Variants in NRXN1 observed in about 807,000 individuals in gnomAD.
NRXN1 encodes the protein neurexin 1.
Under a neutral mutation model 150.9 loss-of-function variants are expected in NRXN1, and 39 were observed. The observed-to-expected ratio is 0.26, with a 90% CI of 0.20 to 0.34. The LOEUF is 0.34. NRXN1 is among the 10% of genes least tolerant of loss of function. NRXN1 has a pLI of 1.00. For missense variants in NRXN1, 1,815 were observed against 1,949.9 expected (o/e 0.93, Z 1.30); for synonymous variants, 924 against 757.0 (o/e 1.22, Z -3.62).
intron 5 of NRXN1, among the ~76,000 whole-genome samples, chr2:50,756,164 C>T (rs757291450): frequency 6.6e-6 from 1 of 151,778 alleles, no homozygotes; most frequent in African/African-American, 2.4e-5. Flanking sequence ...AGGGATCTTT[C>T]TCTGGTATTG....
chr2:50,191,496 T>G (rs979158148), intron 18 of NRXN1, among the ~76,000 whole-genome samples: 12 of 151,918 alleles, frequency 7.9e-5, no homozygotes, highest in Admixed American at 7.9e-4. Context: ...TGTAGATATA[T>G]GTGGCCACCA....
At chr2:50,777,593 T>G (rs541980630) in intron 5 of NRXN1, among the ~76,000 whole-genome samples, 1 of 152,256 alleles carries the variant, frequency 6.6e-6, no homozygotes, top group East Asian at 1.9e-4. Flanking sequence ...CCATTTTACA[T>G]CCAATGTGTC....
chr2:50,753,508 T>A (rs1378900413), intron 5 of NRXN1, among the ~76,000 whole-genome samples: 1 of 151,864 alleles, frequency 6.6e-6, no homozygotes, highest in Non-Finnish European at 1.5e-5. Context: ...TGATTTTCAG[T>A]ATGGAGTCTG....
intron 2 of NRXN1, among the ~76,000 whole-genome samples, chr2:50,943,311 T>A (rs1689784664): frequency 1.3e-5 from 2 of 152,196 alleles, no homozygotes; most frequent in Admixed American, 6.5e-5. Context: ...AGTACAAAAG[T>A]AATGGTGGTT....
chr2:50,659,126 A>G (rs1686922627), intron 5 of NRXN1, among the ~76,000 whole-genome samples: 1 of 152,004 alleles, frequency 6.6e-6, no homozygotes, highest in African/African-American at 2.4e-5. Flanking sequence ...AGCATGAGGT[A>G]TGACTACTGT....
intron 17 of NRXN1, among the ~76,000 whole-genome samples, chr2:50,357,563 C>T (rs1219675794): frequency 6.6e-6 from 1 of 152,090 alleles, no homozygotes; most frequent in South Asian, 2.1e-4. Flanking sequence ...TCACCTCGGC[C>T]TCCCAAAGTG....
At position 50,228,908 on chromosome 2, in the gene NRXN1, T is replaced by C. The variant is rs72891930; in HGVS notation, c.3546+7881A>G. On this transcript the variant is annotated intron_variant, in intron 18 of 22. Coordinates refer to ENST00000401669, the MANE Select transcript of NRXN1 (RefSeq NM_001330078.2). ...AAGGTTAGACAGTTTTCCAGTTTGTTTTGAGGAGGAGAGAGGCCTCCTCTG... is the reference window on the plus strand; with the variant it reads ...AAGGTTAGACAGTTTTCCAGTTTGTCTTGAGGAGGAGAGAGGCCTCCTCTG... Among the ~76,000 whole-genome samples, 265 of 152,070 alleles carry C rather than the reference T, an allele frequency of 1.7e-3. 1 individual carries two copies. The highest frequency in any genetic ancestry group is 6.8e-3 in the Middle Eastern group (2 of 294).
At chr2:49,975,102 A>T (rs1431858310) in intron 21 of NRXN1, among the ~76,000 whole-genome samples, 1 of 150,368 alleles carries the variant, frequency 6.7e-6, no homozygotes, top group Non-Finnish European at 1.5e-5. Flanking sequence ...TTATATATAC[A>T]TATACATACA....
intron 8 of NRXN1, among the ~76,000 whole-genome samples, chr2:50,573,472 A>T (rs1220409930): frequency 6.6e-6 from 1 of 152,138 alleles, no homozygotes; most frequent in Non-Finnish European, 1.5e-5. Flanking sequence ...TGGGAGTGGT[A>T]ACTTTTAAAT....
intron 5 of NRXN1, among the ~76,000 whole-genome samples, chr2:50,859,100 A>C (rs1252481788): frequency 6.6e-6 from 1 of 152,076 alleles, no homozygotes; most frequent in Admixed American, 6.6e-5. Context: ...TAACGGCCTA[A>C]GAATATTTAT....
intron 8 of NRXN1, among the ~76,000 whole-genome samples, chr2:50,599,375 C>T (rs151231335): frequency 1.3e-5 from 2 of 152,270 alleles, no homozygotes; most frequent in African/African-American, 4.8e-5. Context: ...TCACTACTTA[C>T]TGAAGTAATA....
intron 5 of NRXN1, among the ~76,000 whole-genome samples, chr2:50,729,529 G>T (rs1697818565): frequency 6.6e-6 from 1 of 152,212 alleles, no homozygotes; most frequent in Non-Finnish European, 1.5e-5. Context: ...AACGGCTTCA[G>T]CAAGGGAGCT....
intron 12 of NRXN1, among the ~76,000 whole-genome samples, chr2:50,520,760 T>A (rs892754067): frequency 6.6e-6 from 1 of 152,020 alleles, no homozygotes; most frequent in African/African-American, 2.4e-5. Flanking sequence ...TTTCTACAAT[T>A]TTTATTTATT....
intron 5 of NRXN1, among the ~76,000 whole-genome samples, chr2:50,812,944 T>G (rs1668430548): frequency 6.6e-6 from 1 of 152,194 alleles, no homozygotes. Flanking sequence ...TATAGTGGTT[T>G]TGAATTGAAA....
At chr2:50,090,769 G>A (rs746333323) in intron 19 of NRXN1, among the ~76,000 whole-genome samples, 1 of 152,054 alleles carries the variant, frequency 6.6e-6, no homozygotes, top group Non-Finnish European at 1.5e-5. Flanking sequence ...ATGGTTATAT[G>A]AAAGTGAAAA....
intron 5 of NRXN1, among the ~76,000 whole-genome samples, chr2:50,768,329 G>T (rs1702597779): frequency 6.6e-6 from 1 of 152,052 alleles, no homozygotes. Context: ...CTTTAGAAAA[G>T]AAAGCAACTT....
intron 21 of NRXN1, among the ~76,000 whole-genome samples, chr2:50,012,112 G>A (rs749840012): frequency 1.3e-5 from 2 of 151,932 alleles, no homozygotes; most frequent in Non-Finnish European, 2.9e-5. Flanking sequence ...CATAAGGTTG[G>A]TAACAACAAT....
At chr2:50,629,197 A>G (rs1167930285) in intron 5 of NRXN1, among the ~76,000 whole-genome samples, 1 of 151,794 alleles carries the variant, frequency 6.6e-6, no homozygotes, top group East Asian at 1.9e-4. Flanking sequence ...TGCATAAATT[A>G]TCTAAAACTT....
intron 21 of NRXN1, among the ~76,000 whole-genome samples, chr2:49,951,035 A>T (rs1472498640): frequency 6.6e-6 from 1 of 151,976 alleles, no homozygotes; most frequent in Admixed American, 6.6e-5. Flanking sequence ...TTCCAGAACC[A>T]CTAAAGTGGG....
Sources: allele counts gnomAD v4.1 joint callset (sites outside exome capture counted in the v4.1 genomes callset), GRCh38; gene constraint gnomAD v4.1.1; transcripts MANE v1.5; gene names NCBI Gene and HGNC (gene_info 2026-07-23, HGNC 2026-07-21).